The following ODAD2 variants were observed in gnomAD, a reference collection of about 807,000 sequenced individuals.
The protein encoded by ODAD2 is outer dynein arm docking complex subunit 2.
Under a neutral mutation model 106.8 loss-of-function variants are expected in ODAD2, and 89 were observed. That is an observed-to-expected ratio of 0.83 (90% CI 0.70 to 0.99). The LOEUF (loss-of-function observed/expected upper bound fraction) is 0.99. Ranked by LOEUF, ODAD2 falls within the 50% of genes least tolerant of loss-of-function variation. The probability of loss-of-function intolerance (pLI) is 0.00; values close to 1 mark genes in which losing one functional copy is unlikely to be tolerated. For missense variants in ODAD2, 1,168 were observed against 1,238.5 expected (o/e 0.94, Z 0.85); for synonymous variants, 404 against 436.2 (o/e 0.93, Z 0.92).
intron 12 of ODAD2, among the ~76,000 whole-genome samples, chr10:27,941,250 G>C (rs1362593205): frequency 6.6e-6 from 1 of 151,808 alleles, no homozygotes; most frequent in South Asian, 2.1e-4. Flanking sequence ...TTAGGAGCTC[G>C]AGGTGGGAGG....
At chr10:27,985,819 G>A (rs1370648346) in intron 3 of ODAD2, among the ~76,000 whole-genome samples, 1 of 150,666 alleles carries the variant, frequency 6.6e-6, no homozygotes, top group Non-Finnish European at 1.5e-5. Flanking sequence ...TAAAATTATA[G>A]TGAAAAACAA....
At chr10:27,959,952 C>T (rs1445695701) in intron 10 of ODAD2, among the ~76,000 whole-genome samples, 4 of 151,950 alleles carry the variant, frequency 2.6e-5, no homozygotes, top group Non-Finnish European at 4.4e-5. Flanking sequence ...AAACAATGTG[C>T]ACCTGATATA....
At chr10:27,921,833 TTTA>T (rs1421308785) in intron 16 of ODAD2, among the ~76,000 whole-genome samples, 17 of 142,710 alleles carry the variant, frequency 1.2e-4, no homozygotes, top group Admixed American at 2.8e-4. Context: ...AGAGCAGTAT[TTTA>T]TTTTTTTTTT....
chr10:27,937,716 C>A (rs550882466), intron 14 of ODAD2, among the ~76,000 whole-genome samples: 2 of 152,262 alleles, frequency 1.3e-5, no homozygotes, highest in East Asian at 3.9e-4. Context: ...CCCATGGAGG[C>A]CACTAGAAGA....
chr10:27,913,162 T>C (rs1323827827), intron 16 of ODAD2, among the ~76,000 whole-genome samples: 2 of 152,150 alleles, frequency 1.3e-5, no homozygotes, highest in Non-Finnish European at 2.9e-5. Flanking sequence ...TGGGGGTACA[T>C]GTGCAGGTTT....
At chr10:27,902,882 G>T (rs1843310921) in intron 17 of ODAD2, among the ~76,000 whole-genome samples, 2 of 152,122 alleles carry the variant, frequency 1.3e-5, no homozygotes, top group Admixed American at 1.3e-4. Flanking sequence ...AAGAGGAGCT[G>T]GGACCATTCC....
rs759357387 is a variant in ODAD2 at position 27,812,589 on chromosome 10, G to A, written c.3058C>T (p.Leu1020Phe). 6.2e-7 allele frequency: 1 copy of A among 1,612,952 alleles called. No individual in the cohort carries two copies. Among genetic ancestry groups the A allele is most frequent in the Non-Finnish European group, 8.5e-7 (1 of 1,179,754 alleles). Residue 1020 changes from leucine to phenylalanine, a missense_variant, in exon 20 of 20, where the codon CTC (leucine) becomes TTC (phenylalanine). This residue lies in a region of ODAD2 where 701 missense variants were observed against 712.3 expected (regional missense o/e 0.98). Transcript: ENST00000305242. ...ATACAACCAGCTGCAGCTTCCTGGA[G>A]ATCCTGGTCAGGGGACCCAACCATA... ...LDMVGSPDQD[L>F]QEAAAGCISN...
chr10:27,844,265 G>T (rs151131962), intron 19 of ODAD2, among the ~76,000 whole-genome samples: 1 of 152,334 alleles, frequency 6.6e-6, no homozygotes, highest in Admixed American at 6.5e-5. Flanking sequence ...AAGGAGGTTG[G>T]AAAATTGCTA....
chr10:27,885,325 C>T (rs563271261), intron 17 of ODAD2, among the ~76,000 whole-genome samples: 5 of 148,682 alleles, frequency 3.4e-5, no homozygotes, highest in African/African-American at 1.2e-4. Flanking sequence ...TCCTGGCCAA[C>T]GTGGTGAAAC....
At chr10:27,963,070 C>T (rs1332446198) in intron 9 of ODAD2, among the ~76,000 whole-genome samples, 2 of 151,136 alleles carry the variant, frequency 1.3e-5, no homozygotes, top group Non-Finnish European at 2.9e-5. Flanking sequence ...TGCAGTGGTG[C>T]AATCTTGGCT....
At chr10:27,869,834 C>T (rs73604090) in intron 17 of ODAD2, among the ~76,000 whole-genome samples, 7 of 152,076 alleles carry the variant, frequency 4.6e-5, no homozygotes, top group Admixed American at 1.3e-4. Context: ...CATGCCTGGC[C>T]GACCAAGTCA....
chr10:27,857,163 T>G (rs1362559384), intron 19 of ODAD2, among the ~76,000 whole-genome samples: 1 of 152,080 alleles, frequency 6.6e-6, no homozygotes, highest in Non-Finnish European at 1.5e-5. Context: ...AACTTCTTCC[T>G]CCTCCTCTTC....
chr10:27,997,641 T>C (rs780989521), intron 1 of ODAD2: 1 of 152,196 alleles, frequency 6.6e-6, no homozygotes, highest in Non-Finnish European at 1.5e-5. Flanking sequence ...GCACAAGTTT[T>C]ATTCAAGAAG....
At chr10:27,863,261 A>G (rs1348906593) in intron 17 of ODAD2, among the ~76,000 whole-genome samples, 2 of 152,186 alleles carry the variant, frequency 1.3e-5, no homozygotes, top group South Asian at 2.1e-4. Flanking sequence ...GCAGCACCTC[A>G]GCACCACATC....
chr10:27,994,824 A>T, intron 2 of ODAD2, 95 bp downstream of exon 2: 1 of 1,359,546 alleles, frequency 7.4e-7, no homozygotes. Context: ...TCTGAGGTTC[A>T]GAGAGGTTAG....
chr10:27,925,583 C>T (rs1845199504), intron 16 of ODAD2, among the ~76,000 whole-genome samples: 1 of 152,152 alleles, frequency 6.6e-6, no homozygotes, highest in Admixed American at 6.6e-5. Flanking sequence ...GTCTCAAACT[C>T]CTGGCCTCAA....
chr10:27,872,521 A>G (rs892017127), intron 17 of ODAD2, among the ~76,000 whole-genome samples: 1 of 152,010 alleles, frequency 6.6e-6, no homozygotes, highest in African/African-American at 2.4e-5. Flanking sequence ...TTATTTTGAG[A>G]TACGTCCCAT....
At chr10:27,965,839 G>A (rs143145244) in intron 9 of ODAD2, among the ~76,000 whole-genome samples, 8 of 152,258 alleles carry the variant, frequency 5.3e-5, no homozygotes, top group Non-Finnish European at 8.8e-5. Flanking sequence ...AAAGACTTAC[G>A]AGAAAGTACA....
chr10:27,982,994 T>C (rs1286675697), intron 6 of ODAD2, among the ~76,000 whole-genome samples: 1 of 152,206 alleles, frequency 6.6e-6, no homozygotes, highest in Non-Finnish European at 1.5e-5. Flanking sequence ...GTCATTAGAA[T>C]CAGCTAAAGG....
Sources: gnomAD v4.1 joint callset for allele counts (sites outside exome capture counted in the v4.1 genomes callset) on GRCh38, gnomAD v4.1.1 for gene constraint, gnomAD v4.1.1 regional missense constraint, MANE v1.5 for transcripts, NCBI Gene and HGNC (gene_info 2026-07-23, HGNC 2026-07-21) for gene names.